Variants in UBP1 observed in about 807,000 individuals in gnomAD.
UBP1 encodes the protein upstream-binding protein 1.
A neutral mutation model predicts 76.1 loss-of-function variants in UBP1; 22 were observed. The observed-to-expected ratio is 0.29, with a 90% CI of 0.21 to 0.41. The LOEUF (loss-of-function observed/expected upper bound fraction) is 0.41. Among genes scored for constraint, UBP1 ranks in the 10% least tolerant of loss-of-function variants. The pLI is 1.00. For missense variants in UBP1, 436 were observed against 668.1 expected (o/e 0.65, Z 3.83); for synonymous variants, 224 against 237.1 (o/e 0.94, Z 0.51).
chr3:33,425,790 TG>T, intron 1 of UBP1, 49 bp from the exon 2 acceptor site: 2 of 1,531,164 alleles, frequency 1.3e-6, no homozygotes, highest in Non-Finnish European at 1.8e-6. Context: ...TTGAAATATT[TG>T]TCTACAGCCA....
At chr3:33,435,342 A>G (rs1484583091) in intron 1 of UBP1, among the ~76,000 whole-genome samples, 1 of 152,208 alleles carries the variant, frequency 6.6e-6, no homozygotes, top group Non-Finnish European at 1.5e-5. Flanking sequence ...AATTTCACTA[A>G]TCCTAAAATT....
chr3:33,411,668 T>C lies in UBP1; in HGVS notation c.468A>G (p.Gly156=). 1 of 1,614,052 alleles carries C rather than the reference T, an allele frequency of 6.2e-7. No homozygotes were observed. Among genetic ancestry groups the C allele is most frequent in the Non-Finnish European group, 8.5e-7 (1 of 1,179,934 alleles). ...LLDLDIPMSV[G]IIDTRTNPSQ... is the part of the protein sequence containing the mutation. ...TTGGATTCGTCCTTGTGTCAATTAT[T>C]CCCACAGACATTGGAATATCTATGT... Residue 156 remains glycine (G), a synonymous_variant, in exon 5 of 16, where the codon GGA becomes GGG. Transcript: ENST00000283629.
At chr3:33,431,791 A>G (rs2045118770) in intron 1 of UBP1, among the ~76,000 whole-genome samples, 1 of 152,034 alleles carries the variant, frequency 6.6e-6, no homozygotes, top group Admixed American at 6.6e-5. Context: ...CCAGTAAATA[A>G]CTAAGGGAAT....
At chr3:33,417,398 T>G (rs1448788723) in intron 2 of UBP1, among the ~76,000 whole-genome samples, 3 of 152,186 alleles carry the variant, frequency 2.0e-5, no homozygotes, top group Non-Finnish European at 2.9e-5. Context: ...ATGTGGGTAT[T>G]TGTGCCTTGC....
intron 1 of UBP1, among the ~76,000 whole-genome samples, chr3:33,439,320 A>C (rs1249112412): frequency 1.3e-5 from 2 of 152,228 alleles, no homozygotes; most frequent in Non-Finnish European, 2.9e-5. Context: ...TAGGACAACA[A>C]AGTAGGAACT....
At chr3:33,398,064 G>C (rs1456501435) in intron 11 of UBP1, 1 of 152,186 alleles carries the variant, frequency 6.6e-6, no homozygotes, top group African/African-American at 2.4e-5. Flanking sequence ...TTGAAGGTAG[G>C]AGATGGCTGC....
intron 1 of UBP1, among the ~76,000 whole-genome samples, chr3:33,430,381 C>T (rs145695195): frequency 9.9e-5 from 15 of 152,204 alleles, no homozygotes; most frequent in African/African-American, 2.9e-4. Flanking sequence ...CAGCCTGGTC[C>T]GGGGAACCAC....
At chr3:33,394,263 C>T (rs1409207374) in intron 13 of UBP1, among the ~76,000 whole-genome samples, 1 of 151,224 alleles carries the variant, frequency 6.6e-6, no homozygotes, top group Non-Finnish European at 1.5e-5. Flanking sequence ...CCCAAGCTGT[C>T]TCAAACTCCT....
upstream of UBP1, chr3:33,441,065 A>G (rs780570631): frequency 2.0e-5 from 3 of 152,302 alleles, no homozygotes; most frequent in Non-Finnish European, 2.9e-5. Context: ...GAGTTGAACT[A>G]GCTGTTGGTC....
intron 11 of UBP1, among the ~76,000 whole-genome samples, chr3:33,399,028 T>G (rs1287334170): frequency 6.6e-6 from 1 of 152,240 alleles, no homozygotes; most frequent in African/African-American, 2.4e-5. Context: ...TTACAATACG[T>G]GGCATAGTAA....
Position 33,411,629 on chromosome 3 carries a change from C to G in UBP1, c.507G>C (p.Ala169=). The change falls in exon 5 of 16, where the codon GCG becomes GCC. Residue 169 remains alanine, a synonymous_variant. Coordinates refer to ENST00000283629, the MANE Select transcript of UBP1 (RefSeq NM_014517.5). Reference sequence around the variant, plus strand: ...TTGCTGGGTCCCACAGAAATTCAACCGCATTTAACTGGCTTGGATTCGTCC... The same window carrying G: ...TTGCTGGGTCCCACAGAAATTCAACGGCATTTAACTGGCTTGGATTCGTCC... ...DTRTNPSQLN[A]VEFLWDPAKR... 2.5e-6 allele frequency: 4 copies of G among 1,614,112 alleles called. No homozygotes were observed. Among genetic ancestry groups the G allele is most frequent in the Non-Finnish European group, 3.4e-6 (4 of 1,179,994 alleles).
chr3:33,401,132 G>T, intron 9 of UBP1, 116 bp from the exon 10 acceptor site: 1 of 903,732 alleles, frequency 1.1e-6, no homozygotes, highest in Admixed American at 3.4e-5. Context: ...GGCAACAGTG[G>T]GAGACAGCTA....
chr3:33,437,233 T>C (rs1043518419), intron 1 of UBP1, among the ~76,000 whole-genome samples: 3 of 150,370 alleles, frequency 2.0e-5, no homozygotes, highest in South Asian at 2.1e-4. Flanking sequence ...ATATTTTTCC[T>C]ACTGTTTTAA....
At chr3:33,430,255 T>A (rs923145205) in intron 1 of UBP1, among the ~76,000 whole-genome samples, 1 of 152,190 alleles carries the variant, frequency 6.6e-6, no homozygotes, top group Non-Finnish European at 1.5e-5. Context: ...ACTGCAAAGC[T>A]GTACTGTAGT....
At chr3:33,407,103 TA>T (rs2044447565) in intron 8 of UBP1, among the ~76,000 whole-genome samples, 1 of 152,202 alleles carries the variant, frequency 6.6e-6, no homozygotes, top group Non-Finnish European at 1.5e-5. Context: ...TGACAATCTG[TA>T]CCCTGCATTT....
intron 1 of UBP1, among the ~76,000 whole-genome samples, chr3:33,433,956 G>A (rs77453888): frequency 0.013 from 2,013 of 152,000 alleles, 19 homozygotes; most frequent in South Asian, 0.026. Flanking sequence ...ATCAGTCATA[G>A]AACCTACAGC....
chr3:33,394,282 G>A (rs958753448), intron 13 of UBP1, among the ~76,000 whole-genome samples: 6 of 151,546 alleles, frequency 4.0e-5, no homozygotes, highest in African/African-American at 9.7e-5. Context: ...CTGGGCTCAC[G>A]CAGTCTGCCC....
chr3:33,429,419 G>A (rs550343115), intron 1 of UBP1, among the ~76,000 whole-genome samples: 26 of 151,740 alleles, frequency 1.7e-4, no homozygotes, highest in Non-Finnish European at 3.4e-4. Context: ...CATGATCATG[G>A]CTCACTACAG....
chr3:33,428,648 T>G (rs2045061200), intron 1 of UBP1, among the ~76,000 whole-genome samples: 1 of 152,136 alleles, frequency 6.6e-6, no homozygotes. Flanking sequence ...TTATTTGCTA[T>G]TGAATTTCCA....
Sources: gnomAD v4.1 joint callset for allele counts (sites outside exome capture counted in the v4.1 genomes callset) on GRCh38, gnomAD v4.1.1 for gene constraint, MANE v1.5 for transcripts, NCBI Gene and HGNC (gene_info 2026-07-23, HGNC 2026-07-21) for gene names.